The following EHBP1 variants were observed in gnomAD, a reference collection of about 807,000 sequenced individuals.
The protein encoded by EHBP1 is EH domain binding protein 1.
EHBP1 carries 55 observed loss-of-function variants against 144.0 expected under a neutral mutation model. That is an observed-to-expected ratio of 0.38 (90% CI 0.31 to 0.48). The LOEUF is 0.48. EHBP1 is among the 20% of genes least tolerant of loss of function. EHBP1 has a pLI of 0.98. For synonymous variants in EHBP1, 469 were observed against 472.7 expected (o/e 0.99, Z 0.10); for missense variants, 1,200 against 1,364.2 (o/e 0.88, Z 1.90).
intron 19 of EHBP1, among the ~76,000 whole-genome samples, chr2:63,032,886 T>G (rs143005510): frequency 3.9e-5 from 6 of 152,262 alleles, no homozygotes; most frequent in African/African-American, 1.2e-4. Context: ...GGAGACAGGA[T>G]TTTTCCCAAA....
chr2:62,862,631 GTAAT>G (rs1438617537), intron 8 of EHBP1, among the ~76,000 whole-genome samples: 1 of 151,948 alleles, frequency 6.6e-6, no homozygotes, highest in Non-Finnish European at 1.5e-5. Context: ...AAAAATAAAA[GTAAT>G]TAATAAATGT....
chr2:62,917,435 C>G (rs940395746), intron 10 of EHBP1, among the ~76,000 whole-genome samples: 1 of 152,068 alleles, frequency 6.6e-6, no homozygotes, highest in Non-Finnish European at 1.5e-5. Flanking sequence ...TTAATATAAA[C>G]AGATGCGCAC....
chr2:62,839,893 T>C (rs1420365988), intron 7 of EHBP1, among the ~76,000 whole-genome samples: 7 of 151,524 alleles, frequency 4.6e-5, no homozygotes, highest in Admixed American at 1.3e-4. Context: ...GAATCAATAT[T>C]GTGAAAATGG....
intron 10 of EHBP1, among the ~76,000 whole-genome samples, chr2:62,919,056 A>G (rs553650183): frequency 4.6e-5 from 7 of 152,196 alleles, no homozygotes; most frequent in African/African-American, 1.7e-4. Flanking sequence ...GCAGGCAGTC[A>G]TGTAGGTGTT....
intron 5 of EHBP1, among the ~76,000 whole-genome samples, chr2:62,804,181 T>A (rs2044265852): frequency 6.6e-6 from 1 of 152,192 alleles, no homozygotes; most frequent in Non-Finnish European, 1.5e-5. Flanking sequence ...GAGTATGGGA[T>A]GCCTTTGGGG....
At chr2:62,684,003 AAAG>A (rs2033629856) in intron 1 of EHBP1, among the ~76,000 whole-genome samples, 1 of 152,194 alleles carries the variant, frequency 6.6e-6, no homozygotes. Context: ...ACACTTGGCA[AAAG>A]AAGATCCCAT....
chr2:62,910,471 A>G (rs1204684743), intron 10 of EHBP1, among the ~76,000 whole-genome samples: 2 of 152,058 alleles, frequency 1.3e-5, no homozygotes, highest in African/African-American at 2.4e-5. Flanking sequence ...AAAATATTTA[A>G]CCACTTACTG....
At chr2:63,008,174 C>T (rs1350168027) in intron 19 of EHBP1, among the ~76,000 whole-genome samples, 3 of 151,704 alleles carry the variant, frequency 2.0e-5, no homozygotes, top group African/African-American at 7.2e-5. Context: ...GCATGAATTA[C>T]AAGCTAAAAC....
intron 10 of EHBP1, 74 bp downstream of exon 10, chr2:62,874,606 G>A (rs2050737769): frequency 4.5e-6 from 6 of 1,332,240 alleles, no homozygotes; most frequent in Non-Finnish European, 6.1e-6. Flanking sequence ...TTTAAATTAA[G>A]AAAAGTAATT....
At chr2:62,700,381 T>G (rs1203383598) in intron 1 of EHBP1, among the ~76,000 whole-genome samples, 1 of 152,156 alleles carries the variant, frequency 6.6e-6, no homozygotes, top group Non-Finnish European at 1.5e-5. Context: ...CATAGTCAAT[T>G]TGGCAGGAAC....
intron 4 of EHBP1, among the ~76,000 whole-genome samples, chr2:62,767,392 G>A (rs1038535000): frequency 1.3e-5 from 2 of 152,014 alleles, no homozygotes; most frequent in Non-Finnish European, 2.9e-5. Context: ...GATAAATTAT[G>A]GAAGTATTAT....
chr2:62,888,842 A>G (rs909764172), intron 10 of EHBP1, among the ~76,000 whole-genome samples: 1 of 152,138 alleles, frequency 6.6e-6, no homozygotes, highest in Non-Finnish European at 1.5e-5. Flanking sequence ...CTATGACAGA[A>G]GTCTTCCAAA....
chr2:63,037,498 C>A, intron 19 of EHBP1, 37 bp from the exon 20 acceptor site: 1 of 1,428,922 alleles, frequency 7.0e-7, no homozygotes, highest in Non-Finnish European at 9.7e-7. Context: ...CTTGTTTTAA[C>A]ATCGTATAGT....
intron 1 of EHBP1, among the ~76,000 whole-genome samples, chr2:62,695,852 A>G (rs1371392492): frequency 6.6e-6 from 1 of 151,666 alleles, no homozygotes; most frequent in South Asian, 2.1e-4. Flanking sequence ...AGCTGGGACC[A>G]CAGGCGTGTG....
At chr2:63,014,934 C>T (rs1469382282) in intron 19 of EHBP1, among the ~76,000 whole-genome samples, 3 of 152,032 alleles carry the variant, frequency 2.0e-5, no homozygotes, top group Non-Finnish European at 2.9e-5. Context: ...GCCGAGATCA[C>T]GCCATTGCAC....
intron 9 of EHBP1, among the ~76,000 whole-genome samples, chr2:62,866,511 G>A (rs912112352): frequency 2.0e-5 from 3 of 152,162 alleles, no homozygotes; most frequent in African/African-American, 7.2e-5. Context: ...AGATATCCAA[G>A]AAGGTAGAAG....
intron 14 of EHBP1, among the ~76,000 whole-genome samples, chr2:62,961,448 T>G (rs2057996964): frequency 6.6e-6 from 1 of 152,200 alleles, no homozygotes; most frequent in African/African-American, 2.4e-5. Flanking sequence ...TTTCTTTTCT[T>G]CCTGTTCCTT....
At chr2:62,862,838 G>A (rs576829794) in intron 8 of EHBP1, among the ~76,000 whole-genome samples, 4 of 151,864 alleles carry the variant, frequency 2.6e-5, no homozygotes, top group Non-Finnish European at 5.9e-5. Flanking sequence ...CCTACAATTT[G>A]AGAAAATATT....
At chr2:62,707,494 C>T (rs1018069661) in intron 2 of EHBP1, among the ~76,000 whole-genome samples, 199 bp downstream of exon 2, 21 of 152,146 alleles carry the variant, frequency 1.4e-4, no homozygotes, top group African/African-American at 4.1e-4. Flanking sequence ...TTAATTACTG[C>T]GCTTCAGTAT....
Sources: allele counts gnomAD v4.1 joint callset (sites outside exome capture counted in the v4.1 genomes callset), GRCh38; gene constraint gnomAD v4.1.1; transcripts MANE v1.5; gene names NCBI Gene and HGNC (gene_info 2026-07-23, HGNC 2026-07-21).